CDH12: variants seen among roughly 807,000 people sequenced by gnomAD.
CDH12 encodes the protein cadherin 12, also known as cadherin-12.
A neutral mutation model predicts 74.1 loss-of-function variants in CDH12; 41 were observed. That is an observed-to-expected ratio of 0.55 (90% CI 0.43 to 0.72). The LOEUF (loss-of-function observed/expected upper bound fraction) is 0.72. Among genes scored for constraint, CDH12 ranks in the 30% least tolerant of loss-of-function variants. The pLI is 0.00. For synonymous variants in CDH12, 399 were observed against 355.0 expected, an observed-to-expected ratio of 1.12 and a Z score of -1.39; for missense variants, 945 against 977.2, an observed-to-expected ratio of 0.97 and a Z score of 0.44.
intron 1 of CDH12, among the ~76,000 whole-genome samples, chr5:22,829,398 G>A (rs1391379360): frequency 1.3e-5 from 2 of 152,126 alleles, no homozygotes; most frequent in East Asian, 3.9e-4. Flanking sequence ...TAAGAAATCT[G>A]AGGTGGCTGT....
intron 3 of CDH12, among the ~76,000 whole-genome samples, chr5:22,235,515 A>T (rs1463950722): frequency 6.6e-6 from 1 of 151,946 alleles, no homozygotes; most frequent in Non-Finnish European, 1.5e-5. Context: ...TGGGAGATGG[A>T]AGTTGTAGTG....
At chr5:22,847,838 T>C (rs978636329) in intron 1 of CDH12, among the ~76,000 whole-genome samples, 3 of 152,090 alleles carry the variant, frequency 2.0e-5, no homozygotes, top group Non-Finnish European at 2.9e-5. Context: ...TTTAATTCCC[T>C]TTTACTGTAT....
intron 3 of CDH12, among the ~76,000 whole-genome samples, chr5:22,336,854 G>A (rs1739606625): frequency 6.6e-6 from 1 of 152,206 alleles, no homozygotes; most frequent in South Asian, 2.1e-4. Context: ...GCTATGAGAA[G>A]AGAGCCACAA....
chr5:22,299,813 T>C (rs1252950813), intron 3 of CDH12, among the ~76,000 whole-genome samples: 1 of 152,188 alleles, frequency 6.6e-6, no homozygotes, highest in African/African-American at 2.4e-5. Context: ...CTTATTTTTC[T>C]TGATATTAGG....
At chr5:21,854,089 T>C (rs933554048) in intron 7 of CDH12, among the ~76,000 whole-genome samples, 2 of 151,714 alleles carry the variant, frequency 1.3e-5, no homozygotes, top group African/African-American at 2.4e-5. Context: ...GCCCTTCCTA[T>C]GCTACTCATA....
At chr5:22,368,998 G>A (rs1026977263) in intron 3 of CDH12, among the ~76,000 whole-genome samples, 8 of 151,984 alleles carry the variant, frequency 5.3e-5, no homozygotes, top group African/African-American at 1.7e-4. Flanking sequence ...GTGTATTGGT[G>A]CGCACCTGTA....
At chr5:21,955,520 C>G (rs10064397) in intron 6 of CDH12, among the ~76,000 whole-genome samples, 3,006 of 151,950 alleles carry the variant, frequency 0.02, 94 homozygotes, top group African/African-American at 0.067. Flanking sequence ...AATGAGTGAT[C>G]AAACCAAATT....
chr5:22,119,112 A>G (rs564807062), intron 4 of CDH12, among the ~76,000 whole-genome samples: 2 of 152,244 alleles, frequency 1.3e-5, no homozygotes, highest in African/African-American at 4.8e-5. Flanking sequence ...AAGACTGTGT[A>G]CATTACATGC....
intron 2 of CDH12, among the ~76,000 whole-genome samples, chr5:22,452,419 C>A (rs1443456207): frequency 2.6e-5 from 4 of 151,916 alleles, no homozygotes; most frequent in Non-Finnish European, 5.9e-5. Context: ...TATATTTACA[C>A]ATTTACAGTC....
At chr5:22,564,342 G>A (rs1390160406) in intron 1 of CDH12, among the ~76,000 whole-genome samples, 1 of 152,128 alleles carries the variant, frequency 6.6e-6, no homozygotes, top group Non-Finnish European at 1.5e-5. Context: ...AGTGGCCTTT[G>A]ATCAAGTGTA....
At chr5:22,350,670 C>G (rs114049656) in intron 3 of CDH12, among the ~76,000 whole-genome samples, 2 of 152,108 alleles carry the variant, frequency 1.3e-5, no homozygotes, top group Admixed American at 6.6e-5. Context: ...AGATATTATC[C>G]TACCTTTGTG....
At chr5:21,970,839 CAAAAAAAAAAAAAAAAA>C (rs1167373938) in intron 6 of CDH12, among the ~76,000 whole-genome samples, 16 of 27,790 alleles carry the variant, frequency 5.8e-4, no homozygotes, top group Admixed American at 7.8e-4. Flanking sequence ...GACTCTTTCT[CAAAAAAAAAAAAAAAAA>C]AAAAAAAAAA....
chr5:22,693,794 A>G (rs1052516916), intron 1 of CDH12, among the ~76,000 whole-genome samples: 1 of 152,080 alleles, frequency 6.6e-6, no homozygotes, highest in Admixed American at 6.5e-5. Context: ...TGCATATACA[A>G]ATGAGGAGTA....
chr5:21,991,518 T>TTA (rs1367491932), intron 5 of CDH12, among the ~76,000 whole-genome samples: 5 of 1,344 alleles, frequency 3.7e-3, no homozygotes, highest in Admixed American at 0.029. Flanking sequence ...TATATGTTTG[T>TTA]TATATATATA....
chr5:21,964,610 A>G (rs1459795218), intron 6 of CDH12, among the ~76,000 whole-genome samples: 1 of 152,004 alleles, frequency 6.6e-6, no homozygotes, highest in Non-Finnish European at 1.5e-5. Flanking sequence ...TTTTACTCTA[A>G]TAAGTTTCCC....
intron 2 of CDH12, among the ~76,000 whole-genome samples, chr5:22,500,382 G>T (rs927213583): frequency 6.6e-6 from 1 of 152,054 alleles, no homozygotes; most frequent in Non-Finnish European, 1.5e-5. Context: ...TAAATGTTCA[G>T]TTAAACATGA....
At chr5:21,887,886 A>G (rs1752709867) in intron 6 of CDH12, among the ~76,000 whole-genome samples, 1 of 147,106 alleles carries the variant, frequency 6.8e-6, no homozygotes, top group African/African-American at 2.5e-5. Context: ...AGTAGATAAC[A>G]TAAGCAAGAA....
At chr5:22,618,961 C>G (rs1020317307) in intron 1 of CDH12, among the ~76,000 whole-genome samples, 7 of 152,052 alleles carry the variant, frequency 4.6e-5, no homozygotes, top group Non-Finnish European at 8.8e-5. Flanking sequence ...CATCTTCCTC[C>G]ATCATTGTGA....
chr5:21,800,904 C>A (rs137959475), intron 10 of CDH12, among the ~76,000 whole-genome samples: 3 of 152,118 alleles, frequency 2.0e-5, no homozygotes, highest in Non-Finnish European at 4.4e-5. Context: ...CTTCTCCTTC[C>A]GCCATGATTG....
Sources: gnomAD v4.1 joint callset for allele counts (sites outside exome capture counted in the v4.1 genomes callset) on GRCh38, gnomAD v4.1.1 for gene constraint, MANE v1.5 for transcripts, NCBI Gene and HGNC (gene_info 2026-07-23, HGNC 2026-07-21) for gene names.